The following FANCC variants were observed in gnomAD, a reference collection of about 807,000 sequenced individuals.
The protein encoded by FANCC is FA complementation group C, also known as Fanconi anemia group C protein.
FANCC carries 55 observed loss-of-function variants against 71.3 expected under a neutral mutation model. The observed-to-expected ratio is 0.77, with a 90% confidence interval of 0.62 to 0.97. FANCC has a LOEUF of 0.97. FANCC is among the 50% of genes least tolerant of loss of function. The pLI is 0.00. For missense variants in FANCC, 678 were observed against 670.9 expected, an observed-to-expected ratio of 1.01 and a Z score of -0.12; for synonymous variants, 275 against 244.9, an observed-to-expected ratio of 1.12 and a Z score of -1.15.
intron 4 of FANCC, among the ~76,000 whole-genome samples, chr9:95,175,552 G>C (rs1825961286): frequency 6.6e-6 from 1 of 152,336 alleles, no homozygotes; most frequent in Admixed American, 6.5e-5. Context: ...CATGTTGGTG[G>C]TGTTCTCTTC....
chr9:95,291,841 G>A (rs561884105), intron 1 of FANCC, among the ~76,000 whole-genome samples: 3 of 150,660 alleles, frequency 2.0e-5, no homozygotes, highest in South Asian at 4.2e-4. Context: ...CCGGTTACTC[G>A]GGAGGCTGAG....
At chr9:95,230,684 A>G (rs557371362) in intron 4 of FANCC, among the ~76,000 whole-genome samples, 2 of 152,202 alleles carry the variant, frequency 1.3e-5, no homozygotes, top group African/African-American at 4.8e-5. Flanking sequence ...GGACCCAAAG[A>G]GTGAGCAGCA....
intron 6 of FANCC, among the ~76,000 whole-genome samples, chr9:95,165,855 T>A (rs553352121): frequency 1.1e-3 from 160 of 152,192 alleles, no homozygotes; most frequent in African/African-American, 3.8e-3. Context: ...GGTTAATCAA[T>A]ATGTTATTAA....
At chr9:95,191,674 C>T (rs1346358670) in intron 4 of FANCC, among the ~76,000 whole-genome samples, 2 of 152,086 alleles carry the variant, frequency 1.3e-5, no homozygotes, top group African/African-American at 4.8e-5. Flanking sequence ...CCTTTTTCAT[C>T]TTTGCCACCC....
intron 10 of FANCC, among the ~76,000 whole-genome samples, chr9:95,118,350 TA>T (rs1284536576): frequency 6.6e-6 from 1 of 152,216 alleles, no homozygotes; most frequent in Non-Finnish European, 1.5e-5. Context: ...AACAAAAGTG[TA>T]AAACTGTGCT....
intron 7 of FANCC, among the ~76,000 whole-genome samples, chr9:95,142,861 G>A (rs1828979347): frequency 6.6e-6 from 1 of 152,118 alleles, no homozygotes; most frequent in Non-Finnish European, 1.5e-5. Flanking sequence ...CACTCACTGT[G>A]TGGATTTTCT....
At chr9:95,106,999 A>G (rs1349843675) in intron 14 of FANCC, 67 bp downstream of exon 14, 1 of 1,506,566 alleles carries the variant, frequency 6.6e-7, no homozygotes, top group Non-Finnish European at 9.2e-7. Context: ...AGACCCTCGG[A>G]CAGGTAACCC....
At chr9:95,237,459 T>C (rs1336478688) in intron 4 of FANCC, among the ~76,000 whole-genome samples, 3 of 152,144 alleles carry the variant, frequency 2.0e-5, no homozygotes, top group Admixed American at 6.5e-5. Context: ...CCTCACCGAG[T>C]CTTTGCTCAC....
In FANCC at chr9:95,188,717, T is replaced by C. The variant is rs545648657; in HGVS notation, c.346-16570A>G. Among the ~76,000 whole-genome samples, 7 of 152,342 alleles carry C rather than the reference T, an allele frequency of 4.6e-5. No homozygotes were observed. The South Asian group carries it at 1.0e-3, about 23-fold the overall frequency. On this transcript the variant is annotated intron_variant, in intron 4 of 14. Transcript: ENST00000289081. ...ACTTCTCTCTTTGTTTCCCACTAAC[T>C]GTTACTTCCTGCAGTTTCCTGTTCT...
chr9:95,251,750 C>A (rs1413376791), intron 1 of FANCC, among the ~76,000 whole-genome samples: 1 of 152,116 alleles, frequency 6.6e-6, no homozygotes, highest in East Asian at 1.9e-4. Context: ...TACATTTACA[C>A]TATGCTCTTG....
chr9:95,292,655 G>A (rs1204482585), intron 1 of FANCC: 8 of 1,393,496 alleles, frequency 5.7e-6, no homozygotes, highest in Non-Finnish European at 6.1e-6. Context: ...ACCTGGTCAA[G>A]AGCCACCGCA....
At chr9:95,297,493 T>C (rs1834454697) in intron 1 of FANCC, among the ~76,000 whole-genome samples, 1 of 152,202 alleles carries the variant, frequency 6.6e-6, no homozygotes, top group South Asian at 2.1e-4. Context: ...CCACAACTTC[T>C]GTTGGCATGT....
At chr9:95,315,313 C>T (rs956641783) in intron 1 of FANCC, among the ~76,000 whole-genome samples, 2 of 152,210 alleles carry the variant, frequency 1.3e-5, no homozygotes, top group African/African-American at 4.8e-5. Context: ...GTGGCCTCGA[C>T]CTCCTGAACT....
chr9:95,129,770 C>T (rs1826600959), intron 8 of FANCC, among the ~76,000 whole-genome samples: 1 of 152,124 alleles, frequency 6.6e-6, no homozygotes, highest in Non-Finnish European at 1.5e-5. Context: ...TTGTCCTTCC[C>T]TCCTTATCTC....
At chr9:95,179,444 T>G (rs1459623197) in intron 4 of FANCC, among the ~76,000 whole-genome samples, 2 of 152,190 alleles carry the variant, frequency 1.3e-5, no homozygotes, top group Admixed American at 6.5e-5. Context: ...CCTCCCAGGT[T>G]CAAGTGATTC....
At chr9:95,248,290 C>A (rs1451972285) in intron 2 of FANCC, among the ~76,000 whole-genome samples, 1 of 152,182 alleles carries the variant, frequency 6.6e-6, no homozygotes, top group East Asian at 1.9e-4. Context: ...ACATCTCTCA[C>A]ATGTGTCCCA....
At chr9:95,166,748 A>G (rs1831091058) in intron 6 of FANCC, among the ~76,000 whole-genome samples, 1 of 152,154 alleles carries the variant, frequency 6.6e-6, no homozygotes, top group Non-Finnish European at 1.5e-5. Context: ...TAAGTTCCAT[A>G]CAGTTTACTA....
At chr9:95,226,478 G>A (rs1206556944) in intron 4 of FANCC, among the ~76,000 whole-genome samples, 1 of 152,064 alleles carries the variant, frequency 6.6e-6, no homozygotes, top group East Asian at 1.9e-4. Context: ...CCAGGAACAC[G>A]GCAGACAGGA....
intron 1 of FANCC, among the ~76,000 whole-genome samples, chr9:95,255,315 G>A (rs1193708248): frequency 1.3e-5 from 2 of 152,064 alleles, no homozygotes; most frequent in Admixed American, 1.3e-4. Flanking sequence ...AGCTCCGGCT[G>A]GCAACTGGCG....
Sources: allele counts gnomAD v4.1 joint callset (sites outside exome capture counted in the v4.1 genomes callset), GRCh38; gene constraint gnomAD v4.1.1; transcripts MANE v1.5; gene names NCBI Gene and HGNC (gene_info 2026-07-23, HGNC 2026-07-21).